Variants in GABRA4 observed in about 807,000 individuals in gnomAD.
The protein encoded by GABRA4 is gamma-aminobutyric acid receptor subunit alpha-4.
In GABRA4, 12 loss-of-function variants were observed where a neutral mutation model predicts 49.7. The observed-to-expected ratio is 0.24, with a 90% confidence interval of 0.15 to 0.39. GABRA4 has a LOEUF of 0.39. Among genes scored for constraint, GABRA4 ranks in the 10% least tolerant of loss-of-function variants. GABRA4 has a pLI of 1.00. For synonymous variants in GABRA4, 288 were observed against 240.2 expected, an observed-to-expected ratio of 1.20 and a Z score of -1.84; for missense variants, 506 against 686.0, an observed-to-expected ratio of 0.74 and a Z score of 2.93.
intron 8 of GABRA4, among the ~76,000 whole-genome samples, chr4:46,931,306 A>G (rs932192251): frequency 1.3e-5 from 2 of 152,136 alleles, no homozygotes; most frequent in Non-Finnish European, 2.9e-5. Flanking sequence ...TCTTAATAGT[A>G]TAGTATAAAT....
At chr4:46,977,725 TA>T (rs34680778) in intron 3 of GABRA4, 95 bp from the exon 4 acceptor site, 4 of 796,658 alleles carry the variant, frequency 5.0e-6, no homozygotes, top group East Asian at 5.2e-5. Context: ...TTCATGCTCA[TA>T]AAAAAATACC....
chr4:46,942,214 T>C (rs1721826347), intron 8 of GABRA4, among the ~76,000 whole-genome samples: 1 of 152,092 alleles, frequency 6.6e-6, no homozygotes, highest in Non-Finnish European at 1.5e-5. Context: ...TTATGGAACA[T>C]CCACTCATGA....
intron 7 of GABRA4, among the ~76,000 whole-genome samples, chr4:46,970,744 T>C (rs1722926154): frequency 6.6e-6 from 1 of 151,594 alleles, no homozygotes; most frequent in Non-Finnish European, 1.5e-5. Context: ...GTGCATTTCT[T>C]TTTAACATGG....
Position 46,926,360 on chromosome 4 carries a change from G to A in GABRA4, c.*1865C>T, listed in dbSNP as rs1311851568. The A allele has an allele frequency of 6.6e-6, 1 of 151,760 alleles. No individual in the cohort carries two copies. Among genetic ancestry groups the A allele is most frequent in the Non-Finnish European group, 1.5e-5 (1 of 67,830 alleles). The allele number at this position is 151,760 out of a possible 1,614,324, so 9.4% of individuals were successfully genotyped here. Reference sequence around the variant, plus strand: ...ATTTTACTAGAATCAATTTTAAATTGGGGGGTTGGGACTGGGTGATTTCGA... The same window carrying A: ...ATTTTACTAGAATCAATTTTAAATTAGGGGGTTGGGACTGGGTGATTTCGA... On this transcript the variant is annotated 3_prime_UTR_variant, in exon 9 of 9. Coordinates refer to ENST00000264318, the MANE Select transcript of GABRA4 (RefSeq NM_000809.4).
In GABRA4 at chr4:46,965,230, C is replaced by T. The variant is rs1722713077; in HGVS notation, c.875-1G>A. ...GTCATGGTGAGGACAGTTGTTATTC[C>T]TTCAAAGCAAAAGAGCAGAGAGACA... On this transcript the variant is annotated splice_acceptor_variant, in intron 7 of 8. Transcript: ENST00000264318. LOFTEE classifies it high-confidence loss of function. 1 of 1,442,994 alleles carries T rather than the reference C, an allele frequency of 6.9e-7. No homozygotes were observed. Among genetic ancestry groups the T allele is most frequent in the African/African-American group, 1.4e-5 (1 of 69,204 alleles). The allele number at this position is 1,442,994 out of a possible 1,614,324, so 89.4% of individuals were successfully genotyped here.
chr4:46,969,413 T>C (rs1425495481), intron 7 of GABRA4, among the ~76,000 whole-genome samples: 3 of 151,558 alleles, frequency 2.0e-5, no homozygotes, highest in Non-Finnish European at 4.4e-5. Flanking sequence ...TTTCAGTAGA[T>C]ACTTCTTGCC....
intron 8 of GABRA4, among the ~76,000 whole-genome samples, chr4:46,957,235 C>T (rs1411080436): frequency 1.3e-5 from 2 of 151,068 alleles, no homozygotes; most frequent in African/African-American, 4.9e-5. Flanking sequence ...TCAGAATGAG[C>T]CCCCAAAAGA....
chr4:46,966,863 A>G (rs1163100214), intron 7 of GABRA4, among the ~76,000 whole-genome samples: 3 of 151,744 alleles, frequency 2.0e-5, no homozygotes, highest in Non-Finnish European at 2.9e-5. Flanking sequence ...ATTAGTCTAA[A>G]ATAGATTATA....
At chr4:46,940,408 A>G (rs1229536867) in intron 8 of GABRA4, among the ~76,000 whole-genome samples, 1 of 152,100 alleles carries the variant, frequency 6.6e-6, no homozygotes, top group African/African-American at 2.4e-5. Flanking sequence ...ACAAATAATT[A>G]AAATTAATAA....
chr4:46,986,885 C>T (rs935942538), intron 2 of GABRA4, among the ~76,000 whole-genome samples: 2 of 152,104 alleles, frequency 1.3e-5, no homozygotes, highest in Admixed American at 1.3e-4. Context: ...CGTCAGTTGA[C>T]TTTAATTTCA....
At position 46,923,984 on chromosome 4, in the gene GABRA4, C is replaced by T. The variant is rs891051668; in HGVS notation, c.*4241G>A. The T allele has an allele frequency of 3.3e-5, 5 of 152,196 alleles. No individual in the cohort carries two copies. Among genetic ancestry groups the T allele is most frequent in the African/African-American group, 9.6e-5 (4 of 41,544 alleles). 9.4% of individuals were successfully genotyped at this position (152,196 alleles called of 1,614,324 possible). A position where few individuals can be genotyped will look rare whatever the true frequency, so the allele number is the denominator to read the frequency against. Reference sequence around the variant, plus strand: ...TGCCTCAGGTGCTGATAAAATTGCGCTTTCATTTTTTTGTTTGTTTGTGGA... The same window carrying T: ...TGCCTCAGGTGCTGATAAAATTGCGTTTTCATTTTTTTGTTTGTTTGTGGA... On this transcript the variant is annotated 3_prime_UTR_variant, in exon 9 of 9. Transcript: ENST00000264318.
At chr4:46,951,057 A>G (rs1369988241) in intron 8 of GABRA4, among the ~76,000 whole-genome samples, 1 of 151,928 alleles carries the variant, frequency 6.6e-6, no homozygotes, top group Admixed American at 6.6e-5. Context: ...TAATAAAACT[A>G]AGGCTCAGAG....
At chr4:46,972,233 T>C (rs1722973189) in intron 6 of GABRA4, among the ~76,000 whole-genome samples, 1 of 151,672 alleles carries the variant, frequency 6.6e-6, no homozygotes, top group Non-Finnish European at 1.5e-5. Flanking sequence ...ATGACAGGTG[T>C]CATAAAGATA....
At position 46,924,005 on chromosome 4, in the gene GABRA4, G is replaced by A. The variant is rs1721125144; in HGVS notation, c.*4220C>T. The A allele has an allele frequency of 6.6e-6, 1 of 151,990 alleles. No individual in the cohort carries two copies. Among genetic ancestry groups the A allele is most frequent in the African/African-American group, 2.4e-5 (1 of 41,390 alleles). 9.4% of individuals were successfully genotyped at this position (151,990 alleles called of 1,614,324 possible). ...TGCGCTTTCATTTTTTTGTTTGTTTGTGGAAGTGGGAATGGAGGCTATAAG... is the reference window on the plus strand; with the variant it reads ...TGCGCTTTCATTTTTTTGTTTGTTTATGGAAGTGGGAATGGAGGCTATAAG... On this transcript the variant is annotated 3_prime_UTR_variant, in exon 9 of 9. Transcript: ENST00000264318.
At position 46,923,020 on chromosome 4, in the gene GABRA4, G is replaced by T. The variant is rs982469562; in HGVS notation, c.*5205C>A. On this transcript the variant is annotated 3_prime_UTR_variant, in exon 9 of 9. Coordinates refer to ENST00000264318, the MANE Select transcript of GABRA4 (RefSeq NM_000809.4). ...TTCTCATAGGAGGGCATGCAAGGTT[G>T]TCCGCTCCTTATGAGAATCGACTAA... 6.6e-6 allele frequency: 1 copy of T among 152,084 alleles called. No individual in the cohort carries two copies. Among genetic ancestry groups the T allele is most frequent in the African/African-American group, 2.4e-5 (1 of 41,414 alleles). 9.4% of individuals were successfully genotyped at this position (152,084 alleles called of 1,614,324 possible).
intron 6 of GABRA4, among the ~76,000 whole-genome samples, chr4:46,973,583 A>AT (rs910062590): frequency 7.2e-5 from 11 of 151,826 alleles, no homozygotes; most frequent in Middle Eastern, 3.4e-3. Context: ...CATAAAAAAT[A>AT]TTTTTTCTGG....
In GABRA4 at chr4:46,928,568, G is replaced by A; in HGVS notation, c.1322C>T (p.Ala441Val). ...TCTTGCTGCAGATATGGTTTCAGCT[G>A]CATTTGCACGGCTGAATGGGTTTGG... is the stretch of plus-strand genomic sequence containing the variant. ...SSPNPFSRAN[A>V]AETISAARAL... Residue 441 changes from alanine (A) to valine (V), a missense_variant, in exon 9 of 9, where the codon GCA becomes GTA. Physicochemically the swap from Ala to Val is moderately conservative, Grantham distance 64. Transcript: ENST00000264318. 3 of 1,613,708 alleles carry A rather than the reference G, an allele frequency of 1.9e-6. No homozygotes were observed. The highest frequency in any genetic ancestry group is 2.5e-6 in the Non-Finnish European group (3 of 1,179,772).
intron 2 of GABRA4, among the ~76,000 whole-genome samples, chr4:46,990,299 T>C (rs913829118): frequency 3.9e-5 from 6 of 152,220 alleles, no homozygotes; most frequent in Non-Finnish European, 5.9e-5. Flanking sequence ...AATAATGTCC[T>C]TGAGACGTTT....
rs1721311159 is a variant in GABRA4 at position 46,928,413 on chromosome 4, T to A, written c.1477A>T (p.Ile493Leu). 1 of 1,613,532 alleles carries A rather than the reference T, an allele frequency of 6.2e-7. No homozygotes were observed. The highest frequency in any genetic ancestry group is 1.3e-5 in the African/African-American group (1 of 74,896). ...LQRIKTTVNT[I>L]GATGKLSATP... ...GCTGACAACTTCCCAGTAGCCCCTA[T>A]GGTATTAACTGTGGTCTTTATCCTC... The change falls in exon 9 of 9, where the codon ATA becomes TTA. Residue 493 changes from isoleucine to leucine, a missense_variant. Around this residue, in one of 5 missense-constraint regions of GABRA4, gnomAD observed 243 missense variants for 210.8 expected, o/e 1.15. Transcript: ENST00000264318.
Sources: gnomAD v4.1 joint callset for allele counts (sites outside exome capture counted in the v4.1 genomes callset) on GRCh38, gnomAD v4.1.1 for gene constraint, gnomAD v4.1.1 regional missense constraint, MANE v1.5 for transcripts, NCBI Gene and HGNC (gene_info 2026-07-23, HGNC 2026-07-21) for gene names.